Variants in TRHDE observed in about 807,000 individuals in gnomAD.
TRHDE encodes the protein thyrotropin-releasing hormone-degrading ectoenzyme.
In TRHDE, 72 loss-of-function variants were observed where a neutral mutation model predicts 125.7. The observed-to-expected ratio is 0.57, with a 90% CI of 0.47 to 0.70. The LOEUF is 0.70. TRHDE is among the 30% of genes least tolerant of loss of function. The pLI is 0.00. For synonymous variants in TRHDE, 509 were observed against 509.1 expected (o/e 1.00, Z 0.00); for missense variants, 1,110 against 1,327.1 (o/e 0.84, Z 2.54).
At chr12:72,495,996 A>G (rs1274945788) in intron 5 of TRHDE, among the ~76,000 whole-genome samples, 1 of 152,218 alleles carries the variant, frequency 6.6e-6, no homozygotes, top group Non-Finnish European at 1.5e-5. Context: ...GGTGGAATTT[A>G]TGGTTACTGT....
At position 72,647,144 on chromosome 12, in the gene TRHDE, GA is replaced by G. The variant is rs369878550; in HGVS notation, c.2676-5175del. Among the ~76,000 whole-genome samples, 360 of 152,066 alleles carry G rather than the reference GA, an allele frequency of 2.4e-3. 3 individuals carry two copies. The highest frequency in any genetic ancestry group is 8.2e-3 in the African/African-American group (341 of 41,514). ...ATACTTTTCCTAAACAAAATGAAGT[GA>G]AACTACAAATCAATAGCAAAAAGAA... On this transcript the variant is annotated intron_variant, in intron 15 of 18. Transcript: ENST00000261180.
chr12:72,454,284 A>G (rs1307927497), intron 3 of TRHDE, among the ~76,000 whole-genome samples: 1 of 152,220 alleles, frequency 6.6e-6, no homozygotes, highest in Non-Finnish European at 1.5e-5. Context: ...CTAAACATTT[A>G]TAAATGTTAA....
chr12:72,169,843 A>G (rs948260464), intron 2 of TRHDE, among the ~76,000 whole-genome samples: 1 of 152,146 alleles, frequency 6.6e-6, no homozygotes, highest in African/African-American at 2.4e-5. Flanking sequence ...GAACTTCAAT[A>G]TATGAATTTT....
intron 6 of TRHDE, among the ~76,000 whole-genome samples, chr12:72,506,697 A>G (rs189059678): frequency 1.3e-5 from 2 of 152,320 alleles, no homozygotes; most frequent in Admixed American, 6.5e-5. Flanking sequence ...AAGGCAAGTT[A>G]TGATATGGAC....
At chr12:72,354,081 A>G (rs1382818465) in intron 2 of TRHDE, among the ~76,000 whole-genome samples, 2 of 151,648 alleles carry the variant, frequency 1.3e-5, no homozygotes, top group African/African-American at 4.8e-5. Flanking sequence ...AGGATGGTAT[A>G]CTATGGAATA....
intron 2 of TRHDE, among the ~76,000 whole-genome samples, chr12:72,351,723 C>T (rs553211945): frequency 6.6e-6 from 1 of 151,856 alleles, no homozygotes; most frequent in Non-Finnish European, 1.5e-5. Context: ...TAAATTAGAA[C>T]CTTCTTTCCT....
At chr12:72,412,482 C>A (rs942408429) in intron 3 of TRHDE, among the ~76,000 whole-genome samples, 2 of 151,892 alleles carry the variant, frequency 1.3e-5, no homozygotes, top group Admixed American at 6.6e-5. Context: ...AACTATGCAT[C>A]AATTTAGGAA....
chr12:72,226,529 T>C (rs1177483768), intron 2 of TRHDE, among the ~76,000 whole-genome samples: 3 of 152,196 alleles, frequency 2.0e-5, no homozygotes, highest in African/African-American at 7.2e-5. Flanking sequence ...ATTAATAAAA[T>C]ATAAATTACT....
chr12:72,531,878 A>G (rs532850416), intron 6 of TRHDE, among the ~76,000 whole-genome samples: 13 of 152,156 alleles, frequency 8.5e-5, no homozygotes, highest in South Asian at 4.2e-4. Context: ...ACAACTTTAT[A>G]GTTTTGTTAT....
rs1400266546 is a variant in TRHDE, at chr12:72,238,326, A to AT, written n.279+132575dup. ...TATATATATATATATATATATACATATATATATACACATTATATATATATA... is the reference window on the plus strand; with the variant it reads ...TATATATATATATATATATATACATATTATATATACACATTATATATATATA... On this transcript the variant is annotated intron_variant and non_coding_transcript_variant, in intron 2 of 4. Transcript: ENST00000548156. 6.8e-4 allele frequency among the ~76,000 whole-genome samples: 28 copies of AT among 41,270 alleles called. 2 individuals carry two copies. Among genetic ancestry groups the AT allele is most frequent in the African/African-American group, 2.3e-3 (26 of 11,246 alleles). The allele number at this position is 41,270 out of a possible 152,430, so 27.1% of individuals were successfully genotyped here. A position where few individuals can be genotyped will look rare whatever the true frequency, so the allele number is the denominator to read the frequency against.
At chr12:72,624,866 A>T (rs1166649412) in intron 15 of TRHDE, among the ~76,000 whole-genome samples, 2 of 151,926 alleles carry the variant, frequency 1.3e-5, no homozygotes, top group Non-Finnish European at 2.9e-5. Context: ...GATACAATGC[A>T]AATGATAAAA....
chr12:72,171,116 G>T (rs973422925), intron 2 of TRHDE, among the ~76,000 whole-genome samples: 7 of 152,054 alleles, frequency 4.6e-5, no homozygotes, highest in Non-Finnish European at 7.4e-5. Context: ...AGAATTCCTT[G>T]ATATAAATTA....
rs1342034929 is a variant in TRHDE at position 72,618,875 on chromosome 12, T to A, written c.2322-16T>A. 2 of 1,488,284 alleles carry A rather than the reference T, an allele frequency of 1.3e-6. No homozygotes were observed. Among genetic ancestry groups the A allele is most frequent in the Admixed American group, 5.0e-5 (2 of 39,952 alleles). 92.2% of individuals were successfully genotyped at this position (1,488,284 alleles called of 1,614,324 possible). A position where few individuals can be genotyped will look rare whatever the true frequency, so the allele number is the denominator to read the frequency against. ...TTTGTGCATCATCATGTATCTTTTT[T>A]TTTTTTTAACTGTAGGGCTGGCTAT... On this transcript the variant is annotated splice_polypyrimidine_tract_variant and intron_variant, in intron 12 of 18. Transcript: ENST00000261180.
chr12:72,253,798 ATCT>A (rs2139388854), intron 2 of TRHDE: 1 of 152,278 alleles, frequency 6.6e-6, no homozygotes, highest in South Asian at 2.1e-4. Flanking sequence ...TGATATAATC[ATCT>A]TCTTTAGCCT....
intron 3 of TRHDE, among the ~76,000 whole-genome samples, chr12:72,388,340 GT>G (rs1456436263): frequency 6.6e-6 from 1 of 151,934 alleles, no homozygotes; most frequent in African/African-American, 2.4e-5. Context: ...TTTTGTTTAT[GT>G]ATTATTTATT....
intron 3 of TRHDE, among the ~76,000 whole-genome samples, chr12:72,449,710 C>T (rs1875479708): frequency 6.6e-6 from 1 of 151,856 alleles, no homozygotes; most frequent in Non-Finnish European, 1.5e-5. Flanking sequence ...CTAGGCAGCC[C>T]AGGATTTAAC....
At chr12:72,471,542 G>A (rs1876650923) in intron 4 of TRHDE, among the ~76,000 whole-genome samples, 1 of 152,168 alleles carries the variant, frequency 6.6e-6, no homozygotes, top group African/African-American at 2.4e-5. Context: ...ATGGAGTAAT[G>A]AACCAGAAGC....
intron 1 of TRHDE, among the ~76,000 whole-genome samples, chr12:72,095,100 C>T (rs546874036): frequency 6.6e-6 from 1 of 152,290 alleles, no homozygotes; most frequent in South Asian, 2.1e-4. Flanking sequence ...GTTTTTGTCA[C>T]CAGTTCTGTC....
chr12:72,317,816 G>A (rs117942737), intron 2 of TRHDE, among the ~76,000 whole-genome samples: 606 of 152,226 alleles, frequency 4.0e-3, no homozygotes, highest in Non-Finnish European at 6.7e-3. Context: ...GATAACAATG[G>A]CATGCGTAAA....
Sources: gnomAD v4.1 joint callset for allele counts (sites outside exome capture counted in the v4.1 genomes callset) on GRCh38, gnomAD v4.1.1 for gene constraint, MANE v1.5 for transcripts, NCBI Gene and HGNC (gene_info 2026-07-23, HGNC 2026-07-21) for gene names.